The following SLC2A14 variants were observed in gnomAD, a reference collection of about 807,000 sequenced individuals.
SLC2A14 encodes the protein solute carrier family 2 member 14.
SLC2A14 carries 13 observed loss-of-function variants against 43.0 expected under a neutral mutation model. The ratio of observed to expected loss-of-function variants is 0.30; its 90% CI spans 0.20 to 0.48. SLC2A14 has a LOEUF of 0.48. SLC2A14 is among the 20% of genes least tolerant of loss of function. SLC2A14 has a pLI of 0.99. For synonymous variants in SLC2A14, 190 were observed against 233.8 expected (o/e 0.81, Z 1.71); for missense variants, 428 against 620.4 (o/e 0.69, Z 3.29).
chr12:7,882,670 C>T (rs1003796133), intron 1 of SLC2A14, among the ~76,000 whole-genome samples: 7 of 152,086 alleles, frequency 4.6e-5, no homozygotes, highest in African/African-American at 1.4e-4. Context: ...AACCTCATCT[C>T]TACTAAAAAT....
In SLC2A14 at chr12:7,869,992, A is replaced by G; in HGVS notation, c.-57-55T>C. ...TTACTCCATCTACTTAAGCTCCTTGAGGGAAGAGGCTGTGATTTAGCCCCC... is the reference window on the plus strand; with the variant it reads ...TTACTCCATCTACTTAAGCTCCTTGGGGGAAGAGGCTGTGATTTAGCCCCC... On this transcript the variant is annotated intron_variant, in intron 1 of 10. Transcript: ENST00000431042. The G allele has an allele frequency of 2.3e-5, 27 of 1,161,668 alleles. 1 individual carries two copies. In the South Asian group the frequency reaches 4.0e-4, roughly 17 times the overall value. 72.0% of individuals were successfully genotyped at this position (1,161,668 alleles called of 1,614,324 possible).
rs1864880899 is a variant in SLC2A14 at position 7,830,088 on chromosome 12, T to A, written c.273-82A>T. On this transcript the variant is annotated intron_variant, in intron 4 of 10. Transcript: ENST00000431042. ...TCCTCTTCTGTACTCATTATTCTGC[T>A]CTTCTCCAGGCTTATATCAACTCCT... 5.1e-6 allele frequency: 8 copies of A among 1,561,832 alleles called. No homozygotes were observed. The South Asian group carries it at 9.4e-5, about 18-fold the overall frequency.
At chr12:7,882,640 C>T (rs990791391) in intron 1 of SLC2A14, among the ~76,000 whole-genome samples, 3 of 152,146 alleles carry the variant, frequency 2.0e-5, no homozygotes, top group African/African-American at 7.2e-5. Flanking sequence ...GGTTAAAGAC[C>T]AGCCTGGTCA....
intron 2 of SLC2A14, among the ~76,000 whole-genome samples, chr12:7,836,997 T>C (rs1434365452): frequency 6.6e-6 from 1 of 151,284 alleles, no homozygotes; most frequent in African/African-American, 2.4e-5. Context: ...TGAAACCCCA[T>C]CTCTAATAAA....
intron 1 of SLC2A14, among the ~76,000 whole-genome samples, chr12:7,881,311 G>A (rs1271181311): frequency 2.0e-5 from 3 of 152,012 alleles, no homozygotes; most frequent in Non-Finnish European, 4.4e-5. Flanking sequence ...GGCTGCGCGC[G>A]GTGCTTGCGG....
intron 1 of SLC2A14, among the ~76,000 whole-genome samples, chr12:7,885,549 G>C (rs1333901703): frequency 1.9e-5 from 2 of 106,972 alleles, no homozygotes; most frequent in Non-Finnish European, 4.1e-5. Flanking sequence ...TTGTTAAATT[G>C]GTAAGTTTTT....
intron 3 of SLC2A14, among the ~76,000 whole-genome samples, chr12:7,832,014 A>G (rs1017371369): frequency 7.9e-5 from 12 of 152,244 alleles, no homozygotes; most frequent in African/African-American, 2.4e-4. Flanking sequence ...AGGCTGAGGT[A>G]GGAGAATCGC....
upstream of SLC2A14, among the ~76,000 whole-genome samples, chr12:7,874,603 T>G (rs1482996453): frequency 6.7e-6 from 1 of 149,818 alleles, no homozygotes; most frequent in Non-Finnish European, 1.5e-5. Flanking sequence ...ACCCGGGAGG[T>G]GGAGGTTGCA....
At chr12:7,863,733 T>G (rs982745136) in intron 2 of SLC2A14, among the ~76,000 whole-genome samples, 5 of 152,138 alleles carry the variant, frequency 3.3e-5, no homozygotes, top group African/African-American at 1.2e-4. Context: ...CCACATCTTT[T>G]GGCTTTGGAA....
intron 2 of SLC2A14, among the ~76,000 whole-genome samples, chr12:7,862,801 TTATC>T (rs1399401596): frequency 5.3e-5 from 8 of 152,158 alleles, no homozygotes; most frequent in Admixed American, 2.6e-4. Flanking sequence ...TTGACACTCT[TTATC>T]TAGCTGCTCT....
At chr12:7,820,358 G>A (rs375370778) in intron 8 of SLC2A14, among the ~76,000 whole-genome samples, 2 of 152,262 alleles carry the variant, frequency 1.3e-5, no homozygotes, top group South Asian at 4.1e-4. Context: ...AGGATGTCGT[G>A]GGAATCCTGA....
At position 7,882,763 on chromosome 12, in the gene SLC2A14, GGAGGCA is replaced by G. The variant is rs945467722; in HGVS notation, c.132+8227_132+8232del. Among the ~76,000 whole-genome samples, 137 of 152,144 alleles carry G rather than the reference GGAGGCA, an allele frequency of 9.0e-4. 1 individual carries two copies. The highest frequency in any genetic ancestry group is 3.2e-3 in the African/African-American group (134 of 41,518). On this transcript the variant is annotated intron_variant, in intron 1 of 9. Coordinates refer to the SLC2A14 transcript ENST00000539924. ...GAGGCTGGAGAATCACTTGAACCCA[GGAGGCA>G]GAGGCTGCAGTGAGCTGAGATCTGG... is the stretch of plus-strand genomic sequence containing the variant.
chr12:7,886,484 G>A (rs957276259), intron 1 of SLC2A14, among the ~76,000 whole-genome samples: 11 of 151,810 alleles, frequency 7.2e-5, no homozygotes, highest in Admixed American at 6.6e-4. Context: ...CTGGGAGTGC[G>A]TGAAGTACTG....
chr12:7,830,088 T>C, intron 4 of SLC2A14, 82 bp from the exon 5 acceptor site: 1 of 1,561,950 alleles, frequency 6.4e-7, no homozygotes, highest in Non-Finnish European at 8.7e-7. Context: ...ATTATTCTGC[T>C]CTTCTCCAGG....
Position 7,813,310 on chromosome 12 carries a change from C to CA in SLC2A14, c.*1005dup, listed in dbSNP as rs1863174714. On this transcript the variant is annotated 3_prime_UTR_variant, in exon 11 of 11. Coordinates refer to ENST00000431042, the MANE Select transcript of SLC2A14 (RefSeq NM_001286234.2). ...AGGTTTCTCATTTGGATGGCTCTCC[C>CA]ACTAGATAGGTGGCGGGATTACTTC... The CA allele has an allele frequency of 6.6e-6, 1 of 152,142 alleles. No individual in the cohort carries two copies. Among genetic ancestry groups the CA allele is most frequent in the Non-Finnish European group, 1.5e-5 (1 of 68,034 alleles). The allele number at this position is 152,142 out of a possible 1,614,324, so 9.4% of individuals were successfully genotyped here.
chr12:7,830,690 T>C (rs912587962), intron 4 of SLC2A14, among the ~76,000 whole-genome samples: 4 of 152,142 alleles, frequency 2.6e-5, no homozygotes, highest in Non-Finnish European at 5.9e-5. Flanking sequence ...ATAGGTTGCC[T>C]TATCAATTTT....
chr12:7,824,990 C>T (rs1450675318), intron 7 of SLC2A14, among the ~76,000 whole-genome samples: 4 of 152,058 alleles, frequency 2.6e-5, no homozygotes, highest in African/African-American at 4.8e-5. Flanking sequence ...CCACTGTCCC[C>T]GGCCCAGATT....
chr12:7,869,319 T>C (rs1292758706), intron 2 of SLC2A14, among the ~76,000 whole-genome samples: 1 of 152,116 alleles, frequency 6.6e-6, no homozygotes, highest in South Asian at 2.1e-4. Flanking sequence ...AAATTAGGCA[T>C]TACGTAACTT....
chr12:7,858,629 A>G (rs753554315), intron 2 of SLC2A14, among the ~76,000 whole-genome samples: 1 of 152,148 alleles, frequency 6.6e-6, no homozygotes, highest in African/African-American at 2.4e-5. Context: ...CCTCCCGAGT[A>G]GCTGGGATTC....
Sources: gnomAD v4.1 joint callset for allele counts (sites outside exome capture counted in the v4.1 genomes callset) on GRCh38, gnomAD v4.1.1 for gene constraint, MANE v1.5 for transcripts, NCBI Gene and HGNC (gene_info 2026-07-23, HGNC 2026-07-21) for gene names.